PDE4DIP: variants seen among roughly 807,000 people sequenced by gnomAD.
PDE4DIP encodes myomegalin.
PDE4DIP carries 59 observed loss-of-function variants against 221.4 expected under a neutral mutation model. The observed-to-expected ratio is 0.27, with a 90% confidence interval of 0.22 to 0.33. PDE4DIP has a LOEUF of 0.33. Ranked by LOEUF, PDE4DIP falls within the 10% of genes least tolerant of loss-of-function variation. The pLI, the probability that PDE4DIP is intolerant of heterozygous loss-of-function variation, is 1.00. For synonymous variants in PDE4DIP, 404 were observed against 815.9 expected (o/e 0.50, Z 8.60); for missense variants, 1,036 against 2,154.2 (o/e 0.48, Z 10.28).
intron 1 of PDE4DIP, among the ~76,000 whole-genome samples, chr1:148,906,978 G>T (rs587637531): frequency 6.6e-6 from 1 of 151,240 alleles, no homozygotes; most frequent in Non-Finnish European, 1.5e-5. Flanking sequence ...GAACCTGGGA[G>T]GCGGAGGTTG....
chr1:149,024,432 C>T lies in PDE4DIP; in HGVS notation c.6086-13C>T, dbSNP rs587625688. Reference sequence around the variant, plus strand: ...ATACTTGGGTCAATGTTACCAGACTCCTTCTCTCTCAGCTTACAGCCTGGA... The same window carrying T: ...ATACTTGGGTCAATGTTACCAGACTTCTTCTCTCTCAGCTTACAGCCTGGA... On this transcript the variant is annotated splice_polypyrimidine_tract_variant and intron_variant, in intron 37 of 43. Transcript: ENST00000369354. The T allele has an allele frequency of 3.5e-4, 547 of 1,568,032 alleles. 4 individuals are homozygous for T. In the East Asian group the frequency reaches 0.011, roughly 31 times the overall value.
intron 34 of PDE4DIP, 105 bp downstream of exon 37, chr1:149,017,984 A>C (rs2071274471): frequency 4.6e-6 from 5 of 1,092,406 alleles, no homozygotes; most frequent in East Asian, 2.4e-5. Flanking sequence ...ACAGTCCAGC[A>C]AGGGAGGTGG....
At chr1:148,819,890 A>G (rs11810795) in intron 1 of PDE4DIP, among the ~76,000 whole-genome samples, 1,194 of 63,502 alleles carry the variant, frequency 0.019, 332 homozygotes, top group Non-Finnish European at 0.016. Flanking sequence ...TCTTTTATTT[A>G]ACTTAATATT....
chr1:148,958,747 TA>T (rs1162043007), intron 5 of PDE4DIP, among the ~76,000 whole-genome samples: 1 of 151,134 alleles, frequency 6.6e-6, no homozygotes, highest in East Asian at 1.9e-4. Flanking sequence ...ATGTTTATGA[TA>T]ACATTTTGGA....
At chr1:148,964,001 G>A (rs61810883) in intron 9 of PDE4DIP, among the ~76,000 whole-genome samples, 2 of 150,958 alleles carry the variant, frequency 1.3e-5, no homozygotes, top group African/African-American at 2.4e-5. Flanking sequence ...CTCGTGATCC[G>A]CCCGCCTCAG....
intron 5 of PDE4DIP, among the ~76,000 whole-genome samples, chr1:148,956,390 C>T (rs1274095653): frequency 2.0e-5 from 3 of 151,718 alleles, no homozygotes; most frequent in African/African-American, 2.4e-5. Context: ...TCCTTCTTTC[C>T]GTCTTTTTCT....
At chr1:149,029,837 A>G (rs781993746) in exon 42 of PDE4DIP, 2 of 1,607,830 alleles carry the variant, frequency 1.2e-6, no homozygotes. Flanking sequence ...AAGTATCCAA[A>G]CAGGAGCGAC....
intron 5 of PDE4DIP, among the ~76,000 whole-genome samples, chr1:148,951,095 T>G (rs201242189): frequency 4.0e-5 from 6 of 151,798 alleles, no homozygotes; most frequent in African/African-American, 7.3e-5. Context: ...GGGGGCTTAT[T>G]ATGAACTCTC....
chr1:148,926,863 A>G (rs1247681289), intron 1 of PDE4DIP, among the ~76,000 whole-genome samples: 3 of 145,858 alleles, frequency 2.1e-5, no homozygotes, highest in Non-Finnish European at 3.0e-5. Flanking sequence ...ATCAATTGGT[A>G]CAGATGAATT....
At chr1:148,924,291 C>T (rs1444972678) in intron 1 of PDE4DIP, among the ~76,000 whole-genome samples, 1 of 151,982 alleles carries the variant, frequency 6.6e-6, no homozygotes, top group Non-Finnish European at 1.5e-5. Flanking sequence ...AAGCATAGGG[C>T]ATGTTTGGGA....
In PDE4DIP at chr1:148,983,999, A is replaced by C. The variant is rs1419059577; in HGVS notation, c.2815+2602A>C. 2.6e-5 allele frequency: 4 copies of C among 152,070 alleles called. No individual in the cohort carries two copies. In the South Asian group the frequency reaches 6.2e-4, roughly 24 times the overall value. The allele number at this position is 152,070 out of a possible 1,614,324, so 9.4% of individuals were successfully genotyped here. ...TGTAGGTTTTAGAAGTATAGAGTTG[A>C]AAAGAACCTCCAAGAGGACTTATTT... On this transcript the variant is annotated intron_variant, in intron 21 of 43. Transcript: ENST00000369354.
In PDE4DIP at chr1:148,967,832, G is replaced by A. The variant is rs141467460; in HGVS notation, c.1712G>A (p.Arg571His). Reference sequence around the variant, plus strand: ...GAAGAAATGGAAACCAAATTTAGCCGTTGGCAGAAGGAACAAGAGAGTATC... The same window carrying A: ...GAAGAAATGGAAACCAAATTTAGCCATTGGCAGAAGGAACAAGAGAGTATC... Residue 571 changes from arginine to histidine, a missense_variant, in exon 13 of 44, where the codon CGT becomes CAT. Coordinates refer to ENST00000369354, the Ensembl canonical transcript of PDE4DIP. The A allele has an allele frequency of 3.6e-5, 41 of 1,140,956 alleles. No individual in the cohort carries two copies. The South Asian group carries it at 3.7e-4, about 10-fold the overall frequency. 70.7% of individuals were successfully genotyped at this position (1,140,956 alleles called of 1,614,324 possible). A position where few individuals can be genotyped will look rare whatever the true frequency, so the allele number is the denominator to read the frequency against.
exon 31 of PDE4DIP, chr1:149,010,553 A>G (rs149238614): frequency 1.4e-5 from 22 of 1,613,846 alleles, no homozygotes; most frequent in Non-Finnish European, 1.7e-5. Flanking sequence ...CAGCTTGCCA[A>G]CTCCCCAGAA....
intron 1 of PDE4DIP, among the ~76,000 whole-genome samples, chr1:148,898,192 A>AG: frequency 1.0e-5 from 1 of 97,030 alleles, no homozygotes; most frequent in Admixed American, 1.2e-4. Flanking sequence ...CTTGAAAAAA[A>AG]TAGACATTCT....
intron 32 of PDE4DIP, among the ~76,000 whole-genome samples, chr1:149,013,095 G>A (rs1439404546): frequency 6.6e-6 from 1 of 152,220 alleles, no homozygotes; most frequent in Non-Finnish European, 1.5e-5. Context: ...TTGGGGGTGG[G>A]AGAGAGATGT....
At chr1:148,953,129 A>C (rs782164683) in intron 5 of PDE4DIP, 9 of 1,614,062 alleles carry the variant, frequency 5.6e-6, no homozygotes, top group Non-Finnish European at 7.6e-6. Context: ...GACGGTTGAC[A>C]TGTCCGTCTT....
At chr1:148,991,585 C>T (rs1553558435) in intron 21 of PDE4DIP, 1 of 980,328 alleles carries the variant, frequency 1.0e-6, no homozygotes. Flanking sequence ...ATAATTCAGG[C>T]TTTCTTGACA....
At chr1:149,022,568 G>C (rs1468413866) in intron 37 of PDE4DIP, among the ~76,000 whole-genome samples, 1 of 152,286 alleles carries the variant, frequency 6.6e-6, no homozygotes, top group African/African-American at 2.4e-5. Context: ...GGGCTCACCA[G>C]GCTGGGAGAA....
intron 4 of PDE4DIP, among the ~76,000 whole-genome samples, chr1:148,933,156 A>G (rs868965252): frequency 2.6e-5 from 4 of 152,166 alleles, no homozygotes; most frequent in African/African-American, 9.7e-5. Flanking sequence ...TCCTAGAGGA[A>G]GCGAAATCTG....
Sources: gnomAD v4.1 joint callset for allele counts (sites outside exome capture counted in the v4.1 genomes callset) on GRCh38, gnomAD v4.1.1 for gene constraint, MANE v1.5 for transcripts, NCBI Gene and HGNC (gene_info 2026-07-23, HGNC 2026-07-21) for gene names.